Variants in UBE3D observed in about 807,000 individuals in gnomAD.
The protein encoded by UBE3D is E3 ubiquitin-protein ligase E3D.
In UBE3D, 48 loss-of-function variants were observed where a neutral mutation model predicts 49.6. The ratio of observed to expected loss-of-function variants is 0.97; its 90% CI spans 0.77 to 1.23. The LOEUF (loss-of-function observed/expected upper bound fraction) is 1.23. Ranked by LOEUF, UBE3D falls within the 50% of genes most tolerant of loss-of-function variation. UBE3D has a pLI of 0.00. For missense variants in UBE3D, 452 were observed against 468.4 expected (o/e 0.96, Z 0.32); for synonymous variants, 189 against 174.2 (o/e 1.08, Z -0.67).
At chr6:83,044,295 G>A (rs1782872595) in intron 4 of UBE3D, 133 bp downstream of exon 4, 11 of 796,758 alleles carry the variant, frequency 1.4e-5, no homozygotes, top group South Asian at 3.6e-5. Context: ...CAACGATAGC[G>A]ATGACAGTTG....
chr6:82,936,323 T>G (rs957305987), intron 9 of UBE3D, among the ~76,000 whole-genome samples: 1 of 152,302 alleles, frequency 6.6e-6, no homozygotes, highest in Non-Finnish European at 1.5e-5. Flanking sequence ...CTAAAAACAT[T>G]AGCATATTTT....
At chr6:82,958,954 G>C (rs910972972) in intron 8 of UBE3D, among the ~76,000 whole-genome samples, 6 of 152,126 alleles carry the variant, frequency 3.9e-5, no homozygotes, top group African/African-American at 1.4e-4. Flanking sequence ...TTCTAGGGGA[G>C]TCACTGGAGA....
At chr6:82,947,467 A>G (rs1387203563) in intron 9 of UBE3D, among the ~76,000 whole-genome samples, 1 of 152,004 alleles carries the variant, frequency 6.6e-6, no homozygotes, top group East Asian at 1.9e-4. Flanking sequence ...CTTACAGAAC[A>G]TTTCATCCAA....
chr6:82,899,062 G>T (rs981174845), intron 9 of UBE3D, among the ~76,000 whole-genome samples: 1 of 151,958 alleles, frequency 6.6e-6, no homozygotes, highest in African/African-American at 2.4e-5. Flanking sequence ...GGAGAAACAA[G>T]ACTATTTTTG....
At chr6:83,059,362 C>T (rs749028156) in intron 1 of UBE3D, among the ~76,000 whole-genome samples, 10 of 152,084 alleles carry the variant, frequency 6.6e-5, no homozygotes, top group East Asian at 1.9e-4. Flanking sequence ...TCAGCCTGGG[C>T]GACAGATCAA....
At chr6:82,883,345 G>A in the UBE3D span, among the ~76,000 whole-genome samples, 1 of 152,034 alleles carries the variant, frequency 6.6e-6, no homozygotes, top group Non-Finnish European at 1.5e-5. Context: ...AACTCAAATC[G>A]ATCATACCCT....
At position 82,943,513 on chromosome 6, in the gene UBE3D, G is replaced by A. The variant is rs542896730; in HGVS notation, c.1149+13799C>T. Among the ~76,000 whole-genome samples, 37 of 152,152 alleles carry A rather than the reference G, an allele frequency of 2.4e-4. 1 individual carries two copies. The South Asian group carries it at 2.7e-3, about 11-fold the overall frequency. On this transcript the variant is annotated intron_variant, in intron 9 of 9. Coordinates refer to ENST00000369747, the MANE Select transcript of UBE3D (RefSeq NM_198920.3). ...TAGCTGGGCATGGTGGCATGTACCCGTAGTCCCAGCTACTTGGGAGGCTGA... is the reference window on the plus strand; with the variant it reads ...TAGCTGGGCATGGTGGCATGTACCCATAGTCCCAGCTACTTGGGAGGCTGA...
chr6:82,991,664 G>T (rs1006389335), intron 8 of UBE3D, among the ~76,000 whole-genome samples: 2 of 151,668 alleles, frequency 1.3e-5, no homozygotes, highest in African/African-American at 4.8e-5. Flanking sequence ...AGGTAAAAAA[G>T]GATAAATTTT....
chr6:82,887,389 G>GT, the UBE3D span, among the ~76,000 whole-genome samples: 5,006 of 98,142 alleles, frequency 0.051, 304 homozygotes, highest in African/African-American at 0.14. Flanking sequence ...GACAGTAACA[G>GT]TTTTTTTTTT....
At chr6:83,040,256 C>T (rs1216417207) in intron 4 of UBE3D, among the ~76,000 whole-genome samples, 5 of 151,844 alleles carry the variant, frequency 3.3e-5, no homozygotes, top group Non-Finnish European at 4.4e-5. Context: ...TCGTGGTGCG[C>T]GCTTGTAGTC....
intron 9 of UBE3D, among the ~76,000 whole-genome samples, chr6:82,918,292 A>AC (rs899232471): frequency 2.0e-5 from 3 of 151,660 alleles, no homozygotes; most frequent in Non-Finnish European, 2.9e-5. Flanking sequence ...AACAACAACA[A>AC]AAAAAAAACA....
chr6:83,043,535 G>A (rs965090135), intron 4 of UBE3D, among the ~76,000 whole-genome samples: 26 of 152,174 alleles, frequency 1.7e-4, no homozygotes, highest in African/African-American at 6.0e-4. Context: ...CACATTTGAC[G>A]AATTTCCTTC....
At chr6:83,037,020 G>A (rs1280927545) in intron 5 of UBE3D, 1 of 152,124 alleles carries the variant, frequency 6.6e-6, no homozygotes, top group African/African-American at 2.4e-5. Flanking sequence ...AAAAGGGTGT[G>A]GGGGAGGTCT....
chr6:82,931,876 T>C (rs758100505), intron 9 of UBE3D, among the ~76,000 whole-genome samples: 28 of 152,162 alleles, frequency 1.8e-4, no homozygotes, highest in Non-Finnish European at 3.4e-4. Flanking sequence ...AGTCTGGCTG[T>C]GTCCTCACTG....
intron 8 of UBE3D, among the ~76,000 whole-genome samples, chr6:82,963,592 G>C (rs1776706977): frequency 6.6e-6 from 1 of 152,152 alleles, no homozygotes; most frequent in African/African-American, 2.4e-5. Flanking sequence ...AAGCAGGTAG[G>C]CTGGGAGGCT....
intron 8 of UBE3D, among the ~76,000 whole-genome samples, chr6:82,958,111 T>C (rs1027467658): frequency 2.0e-5 from 3 of 152,190 alleles, no homozygotes; most frequent in Non-Finnish European, 4.4e-5. Context: ...CCTTTCATTT[T>C]AGAGATCAGG....
chr6:82,991,267 G>A (rs1778864628), intron 8 of UBE3D, among the ~76,000 whole-genome samples: 1 of 152,116 alleles, frequency 6.6e-6, no homozygotes, highest in African/African-American at 2.4e-5. Context: ...AAGAAATTAA[G>A]CTCCACCTCT....
At chr6:82,890,163 A>G (rs932719687), downstream of UBE3D, among the ~76,000 whole-genome samples, 2 of 152,128 alleles carry the variant, frequency 1.3e-5, no homozygotes, top group Non-Finnish European at 2.9e-5. Flanking sequence ...GCCTGCTTCA[A>G]TTCTGTGTAG....
chr6:82,947,147 G>T (rs1414924573), intron 9 of UBE3D, among the ~76,000 whole-genome samples: 1 of 151,772 alleles, frequency 6.6e-6, no homozygotes, highest in Admixed American at 6.6e-5. Flanking sequence ...GAGCAAAGTA[G>T]CTAGGCTTAT....
Sources: gnomAD v4.1 joint callset for allele counts (sites outside exome capture counted in the v4.1 genomes callset) on GRCh38, gnomAD v4.1.1 for gene constraint, MANE v1.5 for transcripts, NCBI Gene and HGNC (gene_info 2026-07-23, HGNC 2026-07-21) for gene names.